SLCO1C1: variants seen among roughly 807,000 people sequenced by gnomAD.
SLCO1C1 encodes solute carrier organic anion transporter family member 1C1.
A neutral mutation model predicts 76.4 loss-of-function variants in SLCO1C1; 70 were observed. The ratio of observed to expected loss-of-function variants is 0.92; its 90% confidence interval spans 0.76 to 1.12. The LOEUF (loss-of-function observed/expected upper bound fraction) is 1.12, where lower values mean the gene tolerates loss of function less well. Among genes scored for constraint, SLCO1C1 ranks in the 50% most tolerant of loss-of-function variants. The pLI is 0.00. For synonymous variants in SLCO1C1, 306 were observed against 286.1 expected (o/e 1.07, Z -0.70); for missense variants, 912 against 823.8 (o/e 1.11, Z -1.31).
chr12:20,695,815 T>G lies in SLCO1C1; in HGVS notation c.-26+8T>G, dbSNP rs1203050211. 1 of 152,098 alleles carries G rather than the reference T, an allele frequency of 6.6e-6. No homozygotes were observed. Among genetic ancestry groups the G allele is most frequent in the Non-Finnish European group, 1.5e-5 (1 of 68,004 alleles). The allele number at this position is 152,098 out of a possible 1,614,324, so 9.4% of individuals were successfully genotyped here. A position where few individuals can be genotyped will look rare whatever the true frequency, so the allele number is the denominator to read the frequency against. ...TTTGATCTCTTCCTCCAGGTAAGACTTGGTTCTCTCATTTTATATTTTGTG... is the reference window on the plus strand; with the variant it reads ...TTTGATCTCTTCCTCCAGGTAAGACGTGGTTCTCTCATTTTATATTTTGTG... On this transcript the variant is annotated splice_region_variant and intron_variant, in intron 1 of 14. Coordinates refer to ENST00000266509, the MANE Select transcript of SLCO1C1 (RefSeq NM_017435.5).
intron 5 of SLCO1C1, 73 bp from the exon 6 acceptor site, chr12:20,715,066 G>A: frequency 6.4e-7 from 1 of 1,562,016 alleles, no homozygotes; most frequent in Non-Finnish European, 8.7e-7. Context: ...AAGATATACG[G>A]TAGAAATGCA....
intron 7 of SLCO1C1, among the ~76,000 whole-genome samples, chr12:20,717,648 C>CTT (rs534946900): frequency 0.021 from 901 of 42,090 alleles, 47 homozygotes; most frequent in Non-Finnish European, 0.032. Flanking sequence ...AACAGCCCTT[C>CTT]TTTTTTTTTT....
At position 20,711,506 on chromosome 12, in the gene SLCO1C1, T is replaced by C; in HGVS notation, c.525T>C (p.Ser175=). ...SVMEKSKSKI[S]NECEVDTSSS... is the part of the protein sequence containing the mutation. ...TGGAAAAATCAAAATCCAAAATAAG[T>C]AACGGTAAGATCATTTTTTTGACTT... The change falls in exon 5 of 15, where the codon AGT becomes AGC. Residue 175 remains serine (S), a synonymous_variant. Transcript: ENST00000266509. 1.9e-6 allele frequency: 3 copies of C among 1,613,336 alleles called. No individual in the cohort carries two copies. The highest frequency in any genetic ancestry group is 1.1e-5 in the South Asian group (1 of 90,950).
rs2120706786 is a variant in SLCO1C1 at position 20,715,587 on chromosome 12, T to C, written c.676+302T>C. Among the ~76,000 whole-genome samples the C allele has an allele frequency of 1.3e-5, 2 of 152,320 alleles. 1 individual carries two copies. Among genetic ancestry groups the C allele is most frequent in the Middle Eastern group, 6.8e-3 (2 of 294 alleles). ...GGGCTTCAGATTTCATAGGTTCTTT[T>C]TAGTGGGTTAACTGTACAGCTAAAG... On this transcript the variant is annotated intron_variant, in intron 6 of 14. Transcript: ENST00000266509.
chr12:20,714,615 A>T (rs1003124321), intron 5 of SLCO1C1, among the ~76,000 whole-genome samples: 1 of 152,238 alleles, frequency 6.6e-6, no homozygotes, highest in East Asian at 1.9e-4. Flanking sequence ...ACAAATATAA[A>T]TGTAGGCAAT....
At chr12:20,743,454 T>A (rs924574523) in intron 13 of SLCO1C1, 85 bp downstream of exon 13, 1 of 1,089,210 alleles carries the variant, frequency 9.2e-7, no homozygotes, top group Non-Finnish European at 1.4e-6. Context: ...AGAATTGCCA[T>A]GCATAAATAT....
chr12:20,731,647 T>G (rs1473763854), intron 9 of SLCO1C1, among the ~76,000 whole-genome samples: 2 of 152,358 alleles, frequency 1.3e-5, no homozygotes, highest in African/African-American at 4.8e-5. Context: ...CATCAATGAT[T>G]GATAGGTAGA....
rs977202393 is a variant in SLCO1C1, at chr12:20,706,334, T to A, written c.404+253T>A. Among the ~76,000 whole-genome samples, 4 of 152,120 alleles carry A rather than the reference T, an allele frequency of 2.6e-5. No homozygotes were observed. In the South Asian group the frequency reaches 8.3e-4, roughly 31 times the overall value. On this transcript the variant is annotated intron_variant, in intron 4 of 14. Transcript: ENST00000266509. ...AAAGATTTTACCTACATGTTTTGAG[T>A]CAAATGCTTTAATTTAGCTGTAGGG...
chr12:20,721,207 G>C (rs1947652231), intron 7 of SLCO1C1, among the ~76,000 whole-genome samples: 1 of 152,118 alleles, frequency 6.6e-6, no homozygotes, highest in Admixed American at 6.5e-5. Flanking sequence ...TTTGAAAGAA[G>C]TTTTACTGTG....
chr12:20,709,199 T>C (rs1946935051), intron 4 of SLCO1C1, among the ~76,000 whole-genome samples: 2 of 152,166 alleles, frequency 1.3e-5, no homozygotes, highest in African/African-American at 4.8e-5. Flanking sequence ...AGTCCCCGAT[T>C]TAAATAATTA....
chr12:20,711,569 C>A, intron 5 of SLCO1C1, 59 bp downstream of exon 5: 4 of 1,559,040 alleles, frequency 2.6e-6, no homozygotes. Flanking sequence ...TTTATATGTG[C>A]TTTAGGATGG....
chr12:20,742,222 G>C (rs955462227), intron 12 of SLCO1C1, among the ~76,000 whole-genome samples: 2 of 152,032 alleles, frequency 1.3e-5, no homozygotes, highest in Non-Finnish European at 2.9e-5. Flanking sequence ...GCCAAGTGTA[G>C]AATCAGGTTG....
At chr12:20,702,909 T>C (rs1300662142) in intron 3 of SLCO1C1, among the ~76,000 whole-genome samples, 1 of 151,864 alleles carries the variant, frequency 6.6e-6, no homozygotes, top group Non-Finnish European at 1.5e-5. Flanking sequence ...TGGTCCAAAG[T>C]TTTGTTTGGG....
intron 4 of SLCO1C1, 43 bp downstream of exon 4, chr12:20,706,124 C>G: frequency 6.4e-7 from 1 of 1,551,088 alleles, no homozygotes. Context: ...TTCCAAACAA[C>G]TGCATTTCTC....
At chr12:20,742,189 A>G (rs1266038578) in intron 12 of SLCO1C1, among the ~76,000 whole-genome samples, 1 of 152,200 alleles carries the variant, frequency 6.6e-6, no homozygotes, top group Non-Finnish European at 1.5e-5. Flanking sequence ...CATTGTGGCT[A>G]CTTCTTCAAT....
chr12:20,719,458 A>C (rs543888394), intron 7 of SLCO1C1, among the ~76,000 whole-genome samples: 1 of 152,316 alleles, frequency 6.6e-6, no homozygotes, highest in South Asian at 2.1e-4. Context: ...GTTGAATGCC[A>C]AGACAGGCAA....
chr12:20,750,345 G>A (rs1949239143), intron 13 of SLCO1C1, among the ~76,000 whole-genome samples: 1 of 152,142 alleles, frequency 6.6e-6, no homozygotes, highest in African/African-American at 2.4e-5. Context: ...GGAGAAAGAA[G>A]GATCAATGAT....
chr12:20,736,336 T>TGG (rs34046081), intron 10 of SLCO1C1, among the ~76,000 whole-genome samples: 5,043 of 144,600 alleles, frequency 0.035, 97 homozygotes, highest in Non-Finnish European at 0.051. Flanking sequence ...AAACCAATTT[T>TGG]GGGGGGGGGT....
At chr12:20,727,976 T>C (rs1426617925) in intron 9 of SLCO1C1, among the ~76,000 whole-genome samples, 1 of 152,218 alleles carries the variant, frequency 6.6e-6, no homozygotes, top group East Asian at 1.9e-4. Flanking sequence ...AGAATTTCTT[T>C]TTACTTCCTT....
Sources: allele counts gnomAD v4.1 joint callset (sites outside exome capture counted in the v4.1 genomes callset), GRCh38; gene constraint gnomAD v4.1.1; transcripts MANE v1.5; gene names NCBI Gene and HGNC (gene_info 2026-07-23, HGNC 2026-07-21).